The following CCDC192 variants were observed in gnomAD, a reference collection of about 807,000 sequenced individuals.
CCDC192 encodes coiled-coil domain-containing protein 192.
intron 3 of CCDC192, among the ~76,000 whole-genome samples, chr5:127,776,060 G>T (rs1755839934): frequency 6.6e-6 from 1 of 152,210 alleles, no homozygotes; most frequent in South Asian, 2.1e-4. Flanking sequence ...TTGCTGCTGT[G>T]AAGATACCCA....
At chr5:127,801,700 C>A (rs1757515169) in intron 5 of CCDC192, among the ~76,000 whole-genome samples, 1 of 152,084 alleles carries the variant, frequency 6.6e-6, no homozygotes, top group Admixed American at 6.6e-5. Flanking sequence ...TTCTGTGGGT[C>A]CCCACAGCCT....
chr5:127,940,754 T>C (rs1398408591), intron 6 of CCDC192: 1 of 152,642 alleles, frequency 6.6e-6, no homozygotes, highest in Non-Finnish European at 1.5e-5. Context: ...CGGCCCTCAT[T>C]TTTTATTTTC....
chr5:127,795,565 G>A (rs1757118825), intron 3 of CCDC192, among the ~76,000 whole-genome samples: 1 of 151,952 alleles, frequency 6.6e-6, no homozygotes, highest in South Asian at 2.1e-4. Context: ...AGATCACACA[G>A]ATAGTAAACA....
intron 3 of CCDC192, among the ~76,000 whole-genome samples, chr5:127,780,123 A>G (rs544204950): frequency 6.6e-6 from 1 of 152,202 alleles, no homozygotes; most frequent in African/African-American, 2.4e-5. Flanking sequence ...CTATATATAC[A>G]TACACACACA....
At chr5:127,864,523 A>G (rs1157517455) in intron 5 of CCDC192, among the ~76,000 whole-genome samples, 1 of 152,240 alleles carries the variant, frequency 6.6e-6, no homozygotes, top group Non-Finnish European at 1.5e-5. Context: ...GAATTAGTTA[A>G]GACATCTTGC....
At chr5:127,844,966 AC>A (rs1750466255) in intron 5 of CCDC192, among the ~76,000 whole-genome samples, 1 of 152,160 alleles carries the variant, frequency 6.6e-6, no homozygotes, top group African/African-American at 2.4e-5. Context: ...AAAGGGCGCC[AC>A]CCTTCTCTTT....
At chr5:127,915,387 C>CT (rs966091962) in intron 6 of CCDC192, among the ~76,000 whole-genome samples, 44 of 151,990 alleles carry the variant, frequency 2.9e-4, no homozygotes, top group Admixed American at 9.8e-4. Flanking sequence ...CATAAACTTT[C>CT]TTTTTTTTGT....
chr5:127,801,111 A>G (rs769570490), intron 5 of CCDC192, among the ~76,000 whole-genome samples: 6 of 152,094 alleles, frequency 3.9e-5, no homozygotes, highest in Non-Finnish European at 8.8e-5. Context: ...AAAGTGTAAC[A>G]CTCACAGGGT....
At chr5:127,894,026 G>A (rs754449876) in intron 6 of CCDC192, among the ~76,000 whole-genome samples, 17 of 139,136 alleles carry the variant, frequency 1.2e-4, no homozygotes, top group Admixed American at 5.8e-4. Context: ...AAGCCTTTGC[G>A]GTTTGTAAAA....
chr5:127,815,390 T>C (rs906304011), intron 5 of CCDC192, among the ~76,000 whole-genome samples: 1 of 152,142 alleles, frequency 6.6e-6, no homozygotes, highest in African/African-American at 2.4e-5. Flanking sequence ...ACTGAAAACC[T>C]GGAATCTTGA....
At chr5:127,799,358 A>G (rs1247399431) in intron 5 of CCDC192, among the ~76,000 whole-genome samples, 2 of 152,178 alleles carry the variant, frequency 1.3e-5, no homozygotes, top group Non-Finnish European at 2.9e-5. Context: ...TTGGGCTTGT[A>G]TGTTCAATTG....
chr5:127,896,930 C>T (rs1752908255), intron 6 of CCDC192, among the ~76,000 whole-genome samples: 2 of 152,102 alleles, frequency 1.3e-5, no homozygotes, highest in Non-Finnish European at 2.9e-5. Flanking sequence ...TGACTTTATT[C>T]TTCTTTCTAA....
intron 5 of CCDC192, among the ~76,000 whole-genome samples, chr5:127,870,198 A>T (rs1414984295): frequency 6.6e-6 from 1 of 152,238 alleles, no homozygotes; most frequent in Admixed American, 6.5e-5. Flanking sequence ...CCAAGGAAAG[A>T]TACTAAAGGG....
intron 6 of CCDC192, among the ~76,000 whole-genome samples, chr5:127,889,206 A>G (rs1209600104): frequency 6.6e-6 from 1 of 152,154 alleles, no homozygotes; most frequent in Non-Finnish European, 1.5e-5. Flanking sequence ...CTTCTATTAT[A>G]TAAAAAAGCT....
chr5:127,850,305 G>A (rs1293564836), intron 5 of CCDC192, among the ~76,000 whole-genome samples: 6 of 152,182 alleles, frequency 3.9e-5, no homozygotes, highest in Non-Finnish European at 1.5e-5. Flanking sequence ...GATCCCCCCA[G>A]AGAAAGAGTA....
chr5:127,765,686 A>G (rs961585205), intron 3 of CCDC192, among the ~76,000 whole-genome samples: 1 of 152,220 alleles, frequency 6.6e-6, no homozygotes, highest in Non-Finnish European at 1.5e-5. Flanking sequence ...GTAAATTAAC[A>G]TAATTTTATT....
chr5:127,730,928 G>C (rs530417982), intron 2 of CCDC192, among the ~76,000 whole-genome samples: 13 of 152,160 alleles, frequency 8.5e-5, no homozygotes, highest in Non-Finnish European at 1.6e-4. Context: ...ATGGGCAAAA[G>C]CTAGAAGCAT....
chr5:127,848,242 T>C (rs1280711514), intron 5 of CCDC192, among the ~76,000 whole-genome samples: 2 of 152,180 alleles, frequency 1.3e-5, no homozygotes, highest in Admixed American at 6.5e-5. Context: ...CTTCACGTGG[T>C]CACACAGGCT....
At chr5:127,741,929 C>T (rs907579375) in intron 2 of CCDC192, among the ~76,000 whole-genome samples, 4 of 152,142 alleles carry the variant, frequency 2.6e-5, no homozygotes, top group African/African-American at 4.8e-5. Flanking sequence ...AAGCACAAAG[C>T]AGTATATTAG....
Sources: allele counts gnomAD v4.1 joint callset (sites outside exome capture counted in the v4.1 genomes callset), GRCh38; gene constraint gnomAD v4.1.1; transcripts MANE v1.5; gene names NCBI Gene and HGNC (gene_info 2026-07-23, HGNC 2026-07-21).